ZNF202: variants seen among roughly 807,000 people sequenced by gnomAD.
ZNF202 encodes the protein zinc finger protein 202.
A neutral mutation model predicts 54.5 loss-of-function variants in ZNF202; 22 were observed. The ratio of observed to expected loss-of-function variants is 0.40; its 90% CI spans 0.29 to 0.58. The LOEUF is 0.58. Among genes scored for constraint, ZNF202 ranks in the 20% least tolerant of loss-of-function variants. The probability of loss-of-function intolerance (pLI) is 0.39; values close to 1 mark genes in which losing one functional copy is unlikely to be tolerated. For missense variants in ZNF202, 644 were observed against 805.5 expected (o/e 0.80, Z 2.43); for synonymous variants, 294 against 301.4 (o/e 0.98, Z 0.26).
chr11:123,725,824 C>A lies in ZNF202; in HGVS notation c.*173G>T, dbSNP rs1003270855. The A allele has an allele frequency of 1.4e-6, 1 of 728,372 alleles. No individual in the cohort carries two copies. Among genetic ancestry groups the A allele is most frequent in the Non-Finnish European group, 2.2e-6 (1 of 460,846 alleles). The allele number at this position is 728,372 out of a possible 1,614,324, so 45.1% of individuals were successfully genotyped here. A position where few individuals can be genotyped will look rare whatever the true frequency, so the allele number is the denominator to read the frequency against. ...CATCCCCTCAAGGCGTAGAGGAAGGCTGAGAGGTTCTGCCCAGGCTCGTGT... is the reference window on the plus strand; with the variant it reads ...CATCCCCTCAAGGCGTAGAGGAAGGATGAGAGGTTCTGCCCAGGCTCGTGT... On this transcript the variant is annotated 3_prime_UTR_variant, in exon 9 of 9. Coordinates refer to ENST00000530393, the MANE Select transcript of ZNF202 (RefSeq NM_003455.4).
At chr11:123,738,148 A>T (rs1004395901) in intron 3 of ZNF202, among the ~76,000 whole-genome samples, 1 of 152,170 alleles carries the variant, frequency 6.6e-6, no homozygotes, top group Non-Finnish European at 1.5e-5. Flanking sequence ...AGTATCTGGG[A>T]CTACAGCACA....
At position 123,729,617 on chromosome 11, in the gene ZNF202, C is replaced by T; in HGVS notation, c.611G>A (p.Ser204Asn). 2 of 1,570,796 alleles carry T rather than the reference C, an allele frequency of 1.3e-6. No individual in the cohort carries two copies. Among genetic ancestry groups the T allele is most frequent in the East Asian group, 2.3e-5 (1 of 44,264 alleles). ...CCCTTTCTGCTGATGCTTCCCACCG[C>T]TCTCCTGCAGGGTCTGGAGCTCCTC... ...QEEELQTLQE[S>N]EVPVPEDPDL... The change falls in exon 5 of 9, where the codon AGC becomes AAC. Residue 204 changes from serine to asparagine, a missense_variant and splice_region_variant. By Grantham distance (46) the Ser-to-Asn change is conservative. Coordinates refer to ENST00000530393, the MANE Select transcript of ZNF202 (RefSeq NM_003455.4).
In ZNF202 at chr11:123,730,481, C is replaced by T. The variant is rs1048788327; in HGVS notation, c.402+6G>A. On this transcript the variant is annotated splice_donor_region_variant and intron_variant, in intron 4 of 8. Coordinates refer to ENST00000530393, the MANE Select transcript of ZNF202 (RefSeq NM_003455.4). This position sits in a 1 kb window ranked among gnomAD's most constrained non-coding sequence, Gnocchi z 6.0. ...CATCACACAGATCAGGACTCCCCCT[C>T]CTCACCCACCGCCTTGGTCTCCTGG... is the stretch of plus-strand genomic sequence containing the variant. 5 of 1,518,544 alleles carry T rather than the reference C, an allele frequency of 3.3e-6. No individual in the cohort carries two copies. The highest frequency in any genetic ancestry group is 4.4e-6 in the Non-Finnish European group (5 of 1,135,362). 94.1% of individuals were successfully genotyped at this position (1,518,544 alleles called of 1,614,324 possible).
rs1356232686 is a variant in ZNF202, at chr11:123,724,721, G to C, written c.*1276C>G. 6.6e-6 allele frequency: 1 copy of C among 152,200 alleles called. No individual in the cohort carries two copies. Among genetic ancestry groups the C allele is most frequent in the Non-Finnish European group, 1.5e-5 (1 of 68,038 alleles). 9.4% of individuals were successfully genotyped at this position (152,200 alleles called of 1,614,324 possible). ...AACAGAGATTGTTGGGCCATCATGA[G>C]ATGCTACTTTCTAGCTCTATGAACA... On this transcript the variant is annotated 3_prime_UTR_variant, in exon 9 of 9. Transcript: ENST00000530393.
Position 123,726,249 on chromosome 11 carries a change from GTAGAGTT to G in ZNF202, c.1688_1694del (p.Glu563AlafsTer20). The G allele has an allele frequency of 6.2e-7, 1 of 1,614,208 alleles. No individual in the cohort carries two copies. ...AGCAGCGCCCGCACTCGCTGCAGAG[GTAGAGTT>G]CCTCAGCAGCGTGCGTCTTCCGGTG... On this transcript the variant is annotated frameshift_variant, in exon 9 of 9. Coordinates refer to ENST00000530393, the MANE Select transcript of ZNF202 (RefSeq NM_003455.4). LOFTEE classifies it high-confidence loss of function. The surrounding 1 kb of genome is among the most constrained non-coding windows in gnomAD (Gnocchi z 6.0).
chr11:123,723,953 GAAT>G lies in ZNF202; in HGVS notation c.*2041_*2043del, dbSNP rs1374823322. Among the ~76,000 whole-genome samples the G allele has an allele frequency of 3.3e-5, 5 of 152,168 alleles. No individual in the cohort carries two copies. The highest frequency in any genetic ancestry group is 1.2e-4 in the African/African-American group (5 of 41,422). On this transcript the variant is annotated 3_prime_UTR_variant, in exon 9 of 9. Transcript: ENST00000530393. ...AACTCTGACAGATTTTCATTTATTG[GAAT>G]AATGCAAATAAGAAAATTAAAAAGT...
chr11:123,733,848 TC>T (rs888241350), intron 3 of ZNF202, among the ~76,000 whole-genome samples: 3 of 152,200 alleles, frequency 2.0e-5, no homozygotes, highest in Non-Finnish European at 2.9e-5. Context: ...CTTGCACTTT[TC>T]CTGGGTCAGT....
At position 123,727,494 on chromosome 11, in the gene ZNF202, G is replaced by A. The variant is rs1861204246; in HGVS notation, c.934C>T (p.Leu312=). 4 of 1,614,094 alleles carry A rather than the reference G, an allele frequency of 2.5e-6. No individual in the cohort carries two copies. The highest frequency in any genetic ancestry group is 3.4e-6 in the Non-Finnish European group (4 of 1,179,998). ...EPQETQEPEI[L]SFTYTGDRSK... ...TCCTCACCTGTGTAGGTAAAACTCA[G>A]GATTTCTGGCTCTTGAGTCTCCTGA... is the stretch of plus-strand genomic sequence containing the variant. The change falls in exon 8 of 9, where the codon CTG becomes TTG. Residue 312 remains leucine (L), a synonymous_variant. Transcript: ENST00000530393.
chr11:123,727,704 A>G, intron 7 of ZNF202, 109 bp from the exon 8 acceptor site: 1 of 1,398,320 alleles, frequency 7.2e-7, no homozygotes, highest in Non-Finnish European at 9.7e-7. Context: ...TAGCTAGCTC[A>G]GGTGATGAAA....
intron 7 of ZNF202, among the ~76,000 whole-genome samples, 169 bp from the exon 8 acceptor site, chr11:123,727,764 T>C (rs1861220855): frequency 6.6e-6 from 1 of 152,220 alleles, no homozygotes; most frequent in Non-Finnish European, 1.5e-5. Context: ...TGCGTATCTC[T>C]TGCCTTTCTT....
intron 3 of ZNF202, among the ~76,000 whole-genome samples, chr11:123,732,970 T>TA (rs1271580110): frequency 2.0e-5 from 3 of 151,950 alleles, no homozygotes; most frequent in Non-Finnish European, 4.4e-5. Context: ...ATAGGAACTT[T>TA]AAAAAAAATT....
rs528053723 is a variant in ZNF202 at position 123,724,353 on chromosome 11, G to T, written c.*1644C>A. ...GAAACCAGGGAACTTGGCTGCAAGT[G>T]TTACCTTTATTTATTTCATATATGT... is the stretch of plus-strand genomic sequence containing the variant. On this transcript the variant is annotated 3_prime_UTR_variant, in exon 9 of 9. Coordinates refer to ENST00000530393, the MANE Select transcript of ZNF202 (RefSeq NM_003455.4). 1 of 152,184 alleles carries T rather than the reference G, an allele frequency of 6.6e-6. No homozygotes were observed. The highest frequency in any genetic ancestry group is 1.5e-5 in the Non-Finnish European group (1 of 68,036). 9.4% of individuals were successfully genotyped at this position (152,184 alleles called of 1,614,324 possible).
intron 3 of ZNF202, among the ~76,000 whole-genome samples, chr11:123,734,152 GGA>G (rs1214466597): frequency 6.6e-6 from 1 of 152,016 alleles, no homozygotes; most frequent in Non-Finnish European, 1.5e-5. Flanking sequence ...AGACACACAG[GGA>G]GAGACAGCAT....
Position 123,728,185 on chromosome 11 carries a change from C to T in ZNF202, c.780G>A (p.Glu260=), listed in dbSNP as rs1037773780. The T allele has an allele frequency of 3.7e-6, 6 of 1,613,028 alleles. No individual in the cohort carries two copies. Among genetic ancestry groups the T allele is most frequent in the South Asian group, 1.1e-5 (1 of 91,044 alleles). The change falls in exon 7 of 9, where the codon GAG becomes GAA. Residue 260 remains glutamate (E), a synonymous_variant. Transcript: ENST00000530393. Reference sequence around the variant, plus strand: ...CTTCCAAGACATATTCTCCATAGAACTCTTTCTGTGTTGGGTCCAGATCAC... The same window carrying T: ...CTTCCAAGACATATTCTCCATAGAATTCTTTCTGTGTTGGGTCCAGATCAC... The part of the protein sequence containing the change: ...QWSDLDPTQK[E]FYGEYVLEED...
At chr11:123,739,680 TA>T (rs1187465865) in intron 3 of ZNF202, 8 of 152,236 alleles carry the variant, frequency 5.3e-5, no homozygotes, top group African/African-American at 1.4e-4. Context: ...TGATTATCTA[TA>T]AAAGATCAGA....
In ZNF202 at chr11:123,726,924, C is replaced by A. The variant is rs1487069207; in HGVS notation, c.1020G>T (p.Arg340Ser). 1 of 1,613,972 alleles carries A rather than the reference C, an allele frequency of 6.2e-7. No homozygotes were observed. Among genetic ancestry groups the A allele is most frequent in the Non-Finnish European group, 8.5e-7 (1 of 1,180,028 alleles). The change falls in exon 9 of 9, where the codon AGG becomes AGT. Residue 340 changes from arginine (R) to serine (S), a missense_variant. Physicochemically the swap from Arg to Ser is moderately radical, Grantham distance 110. Coordinates refer to ENST00000530393, the MANE Select transcript of ZNF202 (RefSeq NM_003455.4). The surrounding 1 kb of genome is among the most constrained non-coding windows in gnomAD (Gnocchi z 6.0). ...GAATTTCTGGTTCTCCCAAAACAGG[C>A]CTGTGTATATCCTCCAAACTCAGAT... ...QEDLSLEDIHRPVLGEPEIHQ... is the reference protein window; with the variant it reads ...QEDLSLEDIHSPVLGEPEIHQ...
chr11:123,730,259 T>C lies in ZNF202; in HGVS notation c.402+228A>G, dbSNP rs553871216. Among the ~76,000 whole-genome samples, 2 of 152,224 alleles carry C rather than the reference T, an allele frequency of 1.3e-5. No individual in the cohort carries two copies. The highest frequency in any genetic ancestry group is 4.2e-4 in the South Asian group (2 of 4,818). On this transcript the variant is annotated intron_variant, in intron 4 of 8. Coordinates refer to ENST00000530393, the MANE Select transcript of ZNF202 (RefSeq NM_003455.4). The surrounding 1 kb of genome is among the most constrained non-coding windows in gnomAD (Gnocchi z 6.0). ...AAGGGAAAACCAAAGCCATGACCCT[T>C]TGGTGGCTGAGACCCCTCAGATGGT...
In ZNF202 at chr11:123,740,105, C is replaced by T. The variant is rs1861800432; in HGVS notation, c.-98+12G>A. 2.0e-5 allele frequency: 3 copies of T among 152,180 alleles called. No individual in the cohort carries two copies. Among genetic ancestry groups the T allele is most frequent in the Admixed American group, 2.0e-4 (3 of 15,286 alleles). The allele number at this position is 152,180 out of a possible 1,614,324, so 9.4% of individuals were successfully genotyped here. A position where few individuals can be genotyped will look rare whatever the true frequency, so the allele number is the denominator to read the frequency against. On this transcript the variant is annotated intron_variant, in intron 3 of 8. Coordinates refer to ENST00000530393, the MANE Select transcript of ZNF202 (RefSeq NM_003455.4). ...ATTTACTGGGAAAAAAAAATGTAAA[C>T]CTGTAACTTACCTCATCTGTACAAT...
chr11:123,728,188 T>G lies in ZNF202; in HGVS notation c.777A>C (p.Lys259Asn). Reference protein sequence around the residue: ...DQWSDLDPTQKEFYGEYVLEE... With the variant: ...DQWSDLDPTQNEFYGEYVLEE... ...CCAAGACATATTCTCCATAGAACTC[T>G]TTCTGTGTTGGGTCCAGATCACTCC... Residue 259 changes from lysine (K) to asparagine (N), a missense_variant, in exon 7 of 9, where the codon AAA (lysine) becomes AAC (asparagine). Lys to Asn is a moderately conservative substitution (Grantham distance 94). Coordinates refer to ENST00000530393, the MANE Select transcript of ZNF202 (RefSeq NM_003455.4). 2 of 1,613,204 alleles carry G rather than the reference T, an allele frequency of 1.2e-6. No homozygotes were observed. Among genetic ancestry groups the G allele is most frequent in the Non-Finnish European group, 1.7e-6 (2 of 1,179,442 alleles).
Sources: gnomAD v4.1 joint callset for allele counts (sites outside exome capture counted in the v4.1 genomes callset) on GRCh38, gnomAD v4.1.1 for gene constraint, Gnocchi (gnomAD v3.1) non-coding constraint, MANE v1.5 for transcripts, NCBI Gene and HGNC (gene_info 2026-07-23, HGNC 2026-07-21) for gene names.